Variants in CD163L1 observed in about 807,000 individuals in gnomAD.
CD163L1 encodes the protein CD163 molecule like 1, also known as scavenger receptor cysteine-rich type 1 protein M160.
CD163L1 carries 124 observed loss-of-function variants against 165.4 expected under a neutral mutation model. The observed-to-expected ratio is 0.75, with a 90% CI of 0.65 to 0.87. The LOEUF (loss-of-function observed/expected upper bound fraction) is 0.87, where lower values mean the gene tolerates loss of function less well. Ranked by LOEUF, CD163L1 falls within the 40% of genes least tolerant of loss-of-function variation. CD163L1 has a pLI of 0.00. For synonymous variants in CD163L1, 585 were observed against 662.2 expected (o/e 0.88, Z 1.79); for missense variants, 1,525 against 1,799.9 (o/e 0.85, Z 2.76).
the CD163L1 span, chr12:7,324,472 T>C: frequency 4.2e-5 from 67 of 1,613,880 alleles, no homozygotes; most frequent in South Asian, 6.5e-4. Flanking sequence ...GAGGATGTGG[T>C]GGTCAAAAAC....
the CD163L1 span, among the ~76,000 whole-genome samples, chr12:7,327,307 A>G: frequency 6.6e-6 from 1 of 152,226 alleles, no homozygotes; most frequent in Non-Finnish European, 1.5e-5. Flanking sequence ...CAACTCTGCA[A>G]TACTGAATCA....
downstream of CD163L1, among the ~76,000 whole-genome samples, chr12:7,342,351 T>C (rs758464591): frequency 6.6e-6 from 1 of 152,246 alleles, no homozygotes; most frequent in African/African-American, 2.4e-5. Context: ...TGCAGATAAC[T>C]AGCCAAACCC....
chr12:7,429,661 T>C (rs866090318), intron 4 of CD163L1, among the ~76,000 whole-genome samples: 1 of 152,114 alleles, frequency 6.6e-6, no homozygotes, highest in African/African-American at 2.4e-5. Context: ...TGTGTAAATA[T>C]AACTCCAATC....
At chr12:7,361,073 TCTCAAAGA>T (rs1397347599) in intron 18 of CD163L1, among the ~76,000 whole-genome samples, 8 of 152,156 alleles carry the variant, frequency 5.3e-5, no homozygotes, top group Admixed American at 3.9e-4. Context: ...TCAATTCAGT[TCTCAAAGA>T]CTTTGCTATT....
rs1221688511 is a variant in CD163L1 at position 7,421,508 on chromosome 12, C to CAT, written c.766+10906_766+10907dup. The stretch of plus-strand genomic sequence containing the variant: ...ACATATATACATATATGTACATATA[C>CAT]ATATACATATATGTACATATATACA... On this transcript the variant is annotated intron_variant, in intron 4 of 19. Coordinates refer to ENST00000313599, the MANE Select transcript of CD163L1 (RefSeq NM_174941.6). 1.1e-4 allele frequency among the ~76,000 whole-genome samples: 9 copies of CAT among 78,434 alleles called. 1 individual carries two copies. Among genetic ancestry groups the CAT allele is most frequent in the African/African-American group, 2.8e-4 (4 of 14,452 alleles). The allele number at this position is 78,434 out of a possible 152,430, so 51.5% of individuals were successfully genotyped here.
chr12:7,328,340 C>T, the CD163L1 span: 61 of 1,594,510 alleles, frequency 3.8e-5, no homozygotes, highest in African/African-American at 6.2e-4. Context: ...TCAAACGCAA[C>T]GTTTTAAGAG....
chr12:7,391,691 G>C (rs1286739208), intron 8 of CD163L1, among the ~76,000 whole-genome samples: 1 of 152,040 alleles, frequency 6.6e-6, no homozygotes, highest in Non-Finnish European at 1.5e-5. Context: ...ATCACCTTCA[G>C]AGACACACAT....
chr12:7,437,356 A>G (rs1471221970), intron 2 of CD163L1, among the ~76,000 whole-genome samples: 1 of 142,350 alleles, frequency 7.0e-6, no homozygotes, highest in African/African-American at 2.7e-5. Flanking sequence ...TTTTATATTT[A>G]TTAAGTTCTA....
intron 2 of CD163L1, among the ~76,000 whole-genome samples, chr12:7,440,748 C>T (rs971875001): frequency 2.0e-5 from 3 of 151,718 alleles, no homozygotes; most frequent in Admixed American, 6.6e-5. Context: ...CACTTCAGCC[C>T]CCCAAGTAGC....
At chr12:7,363,157 AT>A (rs751735320) in intron 18 of CD163L1, among the ~76,000 whole-genome samples, 52 of 152,064 alleles carry the variant, frequency 3.4e-4, no homozygotes, top group African/African-American at 1.2e-3. Flanking sequence ...ATACAAAAAA[AT>A]ATTAGCCAGG....
intron 4 of CD163L1, among the ~76,000 whole-genome samples, chr12:7,415,872 G>GC (rs752519399): frequency 7.9e-5 from 12 of 152,120 alleles, no homozygotes; most frequent in Non-Finnish European, 1.5e-4. Flanking sequence ...TGTGAACAGT[G>GC]CCACAATAAA....
chr12:7,350,732 T>C (rs527381710), downstream of CD163L1, among the ~76,000 whole-genome samples: 1 of 152,300 alleles, frequency 6.6e-6, no homozygotes, highest in Admixed American at 6.5e-5. Context: ...CCCAAACAGA[T>C]GTTAGAAATG....
At chr12:7,437,759 G>C (rs1172912782) in intron 2 of CD163L1, among the ~76,000 whole-genome samples, 3 of 149,196 alleles carry the variant, frequency 2.0e-5, no homozygotes, top group Admixed American at 1.3e-4. Flanking sequence ...TGTATACTGT[G>C]GTACATGATC....
chr12:7,421,766 TA>T (rs59312457), intron 4 of CD163L1, among the ~76,000 whole-genome samples: 912 of 45,116 alleles, frequency 0.02, 12 homozygotes, highest in African/African-American at 0.077. Context: ...TATATATATA[TA>T]TATTTTTTCT....
intron 4 of CD163L1, among the ~76,000 whole-genome samples, chr12:7,410,722 C>T (rs901534582): frequency 1.3e-5 from 2 of 151,188 alleles, no homozygotes; most frequent in African/African-American, 4.9e-5. Flanking sequence ...CCCAGCTACT[C>T]GGGAGGCTGA....
At chr12:7,438,946 C>G in intron 2 of CD163L1, 1 of 1,608,104 alleles carries the variant, frequency 6.2e-7, no homozygotes, top group Non-Finnish European at 8.5e-7. Flanking sequence ...AGAATGCGTT[C>G]TTGTTCTCTA....
At chr12:7,436,627 C>G (rs893849810) in intron 2 of CD163L1, among the ~76,000 whole-genome samples, 2 of 151,910 alleles carry the variant, frequency 1.3e-5, no homozygotes, top group African/African-American at 4.8e-5. Context: ...TTTTAATTAG[C>G]TGGGTATAGT....
At chr12:7,389,916 C>T (rs954311057) in intron 8 of CD163L1, among the ~76,000 whole-genome samples, 1 of 146,970 alleles carries the variant, frequency 6.8e-6, no homozygotes, top group Non-Finnish European at 1.5e-5. Context: ...CCTAAGTGTC[C>T]ATCAAAGGAT....
At position 7,366,724 on chromosome 12, in the gene CD163L1, T is replaced by C. The variant is rs765424994; in HGVS notation, c.4279+512A>G. 2.1e-3 allele frequency among the ~76,000 whole-genome samples: 314 copies of C among 152,280 alleles called. 1 individual carries two copies. Among genetic ancestry groups the C allele is most frequent in the African/African-American group, 7.3e-3 (303 of 41,582 alleles). ...ACTTTGCCAGATGGTGTTCATTGTA[T>C]TGTCACAGTAATTCCATTATAAGTT... On this transcript the variant is annotated intron_variant, in intron 18 of 19. Transcript: ENST00000313599.
Sources: allele counts gnomAD v4.1 joint callset (sites outside exome capture counted in the v4.1 genomes callset), GRCh38; gene constraint gnomAD v4.1.1; transcripts MANE v1.5; gene names NCBI Gene and HGNC (gene_info 2026-07-23, HGNC 2026-07-21).